Variants in B3GALT1 observed in about 807,000 individuals in gnomAD.
The protein encoded by B3GALT1 is beta-1,3-galactosyltransferase 1, also known as UDP-Gal:betaGlcNAc beta 1,3-galactosyltransferase, polypeptide 1.
B3GALT1 carries 10 observed loss-of-function variants against 23.2 expected under a neutral mutation model. That is an observed-to-expected ratio of 0.43 (90% CI 0.27 to 0.73). The LOEUF (loss-of-function observed/expected upper bound fraction) is 0.73, where lower values mean the gene tolerates loss of function less well. Ranked by LOEUF, B3GALT1 falls within the 30% of genes least tolerant of loss-of-function variation. The pLI, the probability that B3GALT1 is intolerant of heterozygous loss-of-function variation, is 0.21. For missense variants in B3GALT1, 299 were observed against 405.4 expected (o/e 0.74, Z 2.25); for synonymous variants, 156 against 141.5 (o/e 1.10, Z -0.73).
At chr2:167,565,453 A>T (rs1294936972) in intron 2 of B3GALT1, among the ~76,000 whole-genome samples, 1 of 152,350 alleles carries the variant, frequency 6.6e-6, no homozygotes, top group Non-Finnish European at 1.5e-5. Context: ...AAGGGCAAGA[A>T]CTTCATGTCT....
intron 3 of B3GALT1, among the ~76,000 whole-genome samples, chr2:167,751,594 G>T (rs1242868410): frequency 2.6e-5 from 4 of 152,210 alleles, no homozygotes; most frequent in Non-Finnish European, 5.9e-5. Context: ...TCAGAAAACA[G>T]TCAGTCCCAG....
intron 1 of B3GALT1, among the ~76,000 whole-genome samples, chr2:167,374,784 C>T (rs937462248): frequency 6.6e-6 from 1 of 151,952 alleles, no homozygotes; most frequent in Non-Finnish European, 1.5e-5. Flanking sequence ...TTCTCACATT[C>T]TGTAGGTTGT....
chr2:167,805,371 C>T (rs1474247328), intron 3 of B3GALT1, among the ~76,000 whole-genome samples: 2 of 152,090 alleles, frequency 1.3e-5, no homozygotes, highest in Non-Finnish European at 2.9e-5. Flanking sequence ...GTTGCCATTG[C>T]TTTTGGTGTT....
At chr2:167,387,141 G>A (rs1257890828) in intron 1 of B3GALT1, among the ~76,000 whole-genome samples, 9 of 152,060 alleles carry the variant, frequency 5.9e-5, no homozygotes, top group Non-Finnish European at 1.3e-4. Context: ...GCCAAGAGAG[G>A]GCATTAAAAG....
At chr2:167,428,202 A>G (rs902765881) in intron 1 of B3GALT1, among the ~76,000 whole-genome samples, 1 of 152,254 alleles carries the variant, frequency 6.6e-6, no homozygotes, top group Non-Finnish European at 1.5e-5. Flanking sequence ...TAGAAATAAA[A>G]TTAGCACTTT....
intron 2 of B3GALT1, among the ~76,000 whole-genome samples, chr2:167,584,810 G>A (rs922983258): frequency 2.0e-5 from 3 of 152,150 alleles, no homozygotes; most frequent in South Asian, 2.1e-4. Flanking sequence ...AAAGGGGCAC[G>A]GAGCTTACTT....
intron 2 of B3GALT1, among the ~76,000 whole-genome samples, chr2:167,506,032 C>T (rs1574108071): frequency 1.3e-5 from 2 of 152,154 alleles, no homozygotes; most frequent in South Asian, 4.1e-4. Flanking sequence ...TGCACTCCAG[C>T]CTGGGTGACA....
chr2:167,334,104 T>C (rs1697018567), intron 1 of B3GALT1, among the ~76,000 whole-genome samples: 1 of 152,250 alleles, frequency 6.6e-6, no homozygotes, highest in Admixed American at 6.5e-5. Context: ...CATGATCCTA[T>C]ATATATATTG....
At chr2:167,666,020 G>A (rs1686175120) in intron 3 of B3GALT1, among the ~76,000 whole-genome samples, 1 of 152,078 alleles carries the variant, frequency 6.6e-6, no homozygotes. Context: ...GAATGTGTTT[G>A]CTCTTGCTTT....
At chr2:167,610,203 T>G (rs938434531) in intron 2 of B3GALT1, among the ~76,000 whole-genome samples, 3 of 152,048 alleles carry the variant, frequency 2.0e-5, no homozygotes, top group African/African-American at 4.8e-5. Flanking sequence ...ATGGATGTAT[T>G]TTGTCTGTAT....
chr2:167,346,463 C>G (rs1052053942), intron 1 of B3GALT1, among the ~76,000 whole-genome samples: 1 of 152,128 alleles, frequency 6.6e-6, no homozygotes, highest in Admixed American at 6.6e-5. Context: ...GCAGAGCCAT[C>G]TTTAAACTGA....
intron 2 of B3GALT1, among the ~76,000 whole-genome samples, chr2:167,556,817 T>C (rs1683861193): frequency 6.6e-6 from 1 of 152,234 alleles, no homozygotes; most frequent in South Asian, 2.1e-4. Flanking sequence ...AATTGTCTTC[T>C]TGTGGAAAAA....
rs10522850 is a variant in B3GALT1, at chr2:167,625,942, CATATATATATATAT to C, written c.-409-20936_-409-20923del. Among the ~76,000 whole-genome samples the C allele has an allele frequency of 9.4e-4, 111 of 118,444 alleles. 2 individuals are homozygous for C. The highest frequency in any genetic ancestry group is 3.2e-3 in the African/African-American group (89 of 27,668). 77.7% of individuals were successfully genotyped at this position (118,444 alleles called of 152,430 possible). On this transcript the variant is annotated intron_variant, in intron 2 of 4. Coordinates refer to ENST00000392690, the MANE Select transcript of B3GALT1 (RefSeq NM_020981.4). ...ATGACAGAAAAATCAATGACTAGGCCATATATATATATATATATATATATATATATATATATATA... is the reference window on the plus strand; with the variant it reads ...ATGACAGAAAAATCAATGACTAGGCCATATATATATATATATATATATATA...
At chr2:167,330,297 A>G (rs1057242727) in intron 1 of B3GALT1, among the ~76,000 whole-genome samples, 2 of 146,598 alleles carry the variant, frequency 1.4e-5, no homozygotes, top group East Asian at 3.9e-4. Context: ...GATCTAGTCT[A>G]TTGTTGAAGC....
intron 2 of B3GALT1, among the ~76,000 whole-genome samples, chr2:167,599,543 C>A (rs1197458380): frequency 6.6e-6 from 1 of 152,170 alleles, no homozygotes; most frequent in Admixed American, 6.6e-5. Context: ...TTTCATGATG[C>A]ATGTGTTGGA....
At chr2:167,860,880 T>TC (rs1690086665) in intron 4 of B3GALT1, among the ~76,000 whole-genome samples, 1 of 150,596 alleles carries the variant, frequency 6.6e-6, no homozygotes, top group Non-Finnish European at 1.5e-5. Flanking sequence ...TTTTTTTTTT[T>TC]CATCTAAAAA....
At chr2:167,547,833 A>G (rs1305741866) in intron 2 of B3GALT1, among the ~76,000 whole-genome samples, 4 of 152,170 alleles carry the variant, frequency 2.6e-5, no homozygotes, top group Admixed American at 1.3e-4. Flanking sequence ...ACCTTGCTAT[A>G]TGAAATTTTC....
intron 2 of B3GALT1, among the ~76,000 whole-genome samples, chr2:167,525,167 T>C (rs1362027045): frequency 6.6e-6 from 1 of 152,224 alleles, no homozygotes; most frequent in African/African-American, 2.4e-5. Flanking sequence ...CACTTCAACA[T>C]GTCTCTATAT....
chr2:167,411,099 G>A (rs1014533707), intron 1 of B3GALT1, among the ~76,000 whole-genome samples: 2 of 151,410 alleles, frequency 1.3e-5, no homozygotes, highest in African/African-American at 4.8e-5. Context: ...AAAAAAAGTT[G>A]ATTGAGGAAA....
Sources: allele counts gnomAD v4.1 joint callset (sites outside exome capture counted in the v4.1 genomes callset), GRCh38; gene constraint gnomAD v4.1.1; transcripts MANE v1.5; gene names NCBI Gene and HGNC (gene_info 2026-07-23, HGNC 2026-07-21).